Variants in GTF3C1 observed in about 807,000 individuals in gnomAD.
The protein encoded by GTF3C1 is general transcription factor IIIC subunit 1.
A neutral mutation model predicts 226.7 loss-of-function variants in GTF3C1; 57 were observed. That is an observed-to-expected ratio of 0.25 (90% CI 0.20 to 0.31). The LOEUF (loss-of-function observed/expected upper bound fraction) is 0.31, where lower values mean the gene tolerates loss of function less well. GTF3C1 is among the 10% of genes least tolerant of loss of function. GTF3C1 has a pLI of 1.00. For missense variants in GTF3C1, 2,217 were observed against 2,776.1 expected (o/e 0.80, Z 4.53); for synonymous variants, 1,090 against 1,084.8 (o/e 1.00, Z -0.09).
rs371582072 is a variant in GTF3C1, at chr16:27,505,205, A to G, written c.1770+694T>C. Among the ~76,000 whole-genome samples, 26 of 152,346 alleles carry G rather than the reference A, an allele frequency of 1.7e-4. No individual in the cohort carries two copies. In the East Asian group the frequency reaches 4.4e-3, roughly 26 times the overall value. On this transcript the variant is annotated intron_variant, in intron 10 of 36. Transcript: ENST00000356183. ...TTGACGAAAGTACTGGTTTGACTTC[A>G]CTGTGTCTTTAACTCCTTGATATAT...
intron 2 of GTF3C1, among the ~76,000 whole-genome samples, chr16:27,539,001 CA>C (rs1385068375): frequency 1.4e-5 from 2 of 140,276 alleles, no homozygotes; most frequent in Admixed American, 7.2e-5. Context: ...CACACACACT[CA>C]TCTTTTTTTT....
At chr16:27,542,518 G>A (rs943012018) in intron 2 of GTF3C1, among the ~76,000 whole-genome samples, 2 of 151,388 alleles carry the variant, frequency 1.3e-5, no homozygotes, top group African/African-American at 4.9e-5. Context: ...CCAAGATTGC[G>A]CCATTGGACT....
chr16:27,464,582 A>G lies in GTF3C1; in HGVS notation c.5610T>C (p.Asn1870=). ...GGGTGCCCTCGGCGTCGGTCTCCCC[A>G]TTCTCACTGGCCCAGCTGGCGCGCC... ...TKRRASWASE[N]GETDAEGTQM... Residue 1870 remains asparagine (N), a synonymous_variant, in exon 34 of 37, where the codon AAT becomes AAC. Coordinates refer to ENST00000356183, the MANE Select transcript of GTF3C1 (RefSeq NM_001520.4). The G allele has an allele frequency of 1.3e-6, 2 of 1,491,700 alleles. No homozygotes were observed. Among genetic ancestry groups the G allele is most frequent in the Non-Finnish European group, 1.8e-6 (2 of 1,120,036 alleles). The allele number at this position is 1,491,700 out of a possible 1,614,324, so 92.4% of individuals were successfully genotyped here. A position where few individuals can be genotyped will look rare whatever the true frequency, so the allele number is the denominator to read the frequency against.
intron 12 of GTF3C1, among the ~76,000 whole-genome samples, chr16:27,499,572 C>T (rs1220961494): frequency 2.0e-5 from 3 of 152,164 alleles, no homozygotes; most frequent in Non-Finnish European, 4.4e-5. Context: ...CAGGAAGCAA[C>T]GCCTAGACAA....
chr16:27,510,659 T>G (rs141779257), intron 7 of GTF3C1, among the ~76,000 whole-genome samples: 6 of 152,072 alleles, frequency 3.9e-5, no homozygotes, highest in Non-Finnish European at 5.9e-5. Context: ...TCCAGAAAGG[T>G]TGGGCCGACC....
At position 27,488,622 on chromosome 16, in the gene GTF3C1, G is replaced by A. The variant is rs2141374386; in HGVS notation, c.3443C>T (p.Ala1148Val). 1 of 1,612,894 alleles carries A rather than the reference G, an allele frequency of 6.2e-7. No individual in the cohort carries two copies. The highest frequency in any genetic ancestry group is 8.5e-7 in the Non-Finnish European group (1 of 1,179,660). ...INQAKKENTA[A>V]ENGLTVRLQT... ...GAGCCTCACTGTGAGTCCATTCTCTGCGGCAGTGTTCTCCTGTGAGACAAG... is the reference window on the plus strand; with the variant it reads ...GAGCCTCACTGTGAGTCCATTCTCTACGGCAGTGTTCTCCTGTGAGACAAG... The change falls in exon 22 of 37, where the codon GCA becomes GTA. Residue 1148 changes from alanine (A) to valine (V), a missense_variant. Transcript: ENST00000356183.
chr16:27,501,475 C>T lies in GTF3C1; in HGVS notation c.1908-131G>A, dbSNP rs975848128. On this transcript the variant is annotated intron_variant, in intron 11 of 36. Coordinates refer to ENST00000356183, the MANE Select transcript of GTF3C1 (RefSeq NM_001520.4). ...AAGGATCAAACGGGGTTTCCCCACC[C>T]TGGAAAGACTGATTTCTTGAGACGT... 3.7e-4 allele frequency: 288 copies of T among 786,734 alleles called. 4 individuals carry two copies. The highest frequency in any genetic ancestry group is 6.3e-5 in the Non-Finnish European group (30 of 474,100). The allele number at this position is 786,734 out of a possible 1,614,324, so 48.7% of individuals were successfully genotyped here. A position where few individuals can be genotyped will look rare whatever the true frequency, so the allele number is the denominator to read the frequency against.
chr16:27,527,773 G>A (rs987348576), intron 6 of GTF3C1, among the ~76,000 whole-genome samples: 2 of 152,128 alleles, frequency 1.3e-5, no homozygotes, highest in Non-Finnish European at 2.9e-5. Flanking sequence ...GGGCTGAGGC[G>A]GGTGGATCAC....
At chr16:27,517,788 G>A (rs1257826715) in intron 6 of GTF3C1, among the ~76,000 whole-genome samples, 4 of 152,192 alleles carry the variant, frequency 2.6e-5, no homozygotes, top group African/African-American at 4.8e-5. Context: ...TACTCATCAC[G>A]TGGCTTCTGC....
chr16:27,508,979 G>A (rs2088529949), intron 7 of GTF3C1, among the ~76,000 whole-genome samples: 2 of 152,218 alleles, frequency 1.3e-5, no homozygotes, highest in Admixed American at 6.5e-5. Flanking sequence ...CCCAACGGCA[G>A]GAAATTAGCC....
At position 27,484,153 on chromosome 16, in the gene GTF3C1, T is replaced by C. The variant is rs149290592; in HGVS notation, c.4001+58A>G. ...CCAGCCACACTTCCCACCAGACTCT[T>C]AAGCAAACGGGATAACGTAACCGTG... On this transcript the variant is annotated intron_variant, in intron 25 of 36. Transcript: ENST00000356183. 1.6e-4 allele frequency: 219 copies of C among 1,336,988 alleles called. 1 individual carries two copies. In the East Asian group the frequency reaches 5.0e-3, roughly 31 times the overall value. The allele number at this position is 1,336,988 out of a possible 1,614,324, so 82.8% of individuals were successfully genotyped here. A position where few individuals can be genotyped will look rare whatever the true frequency, so the allele number is the denominator to read the frequency against.
intron 25 of GTF3C1, among the ~76,000 whole-genome samples, chr16:27,483,926 C>T (rs769548373): frequency 2.0e-5 from 3 of 152,204 alleles, no homozygotes; most frequent in East Asian, 1.9e-4. Flanking sequence ...TGGTACTTAG[C>T]GAGTCAGCCT....
chr16:27,498,763 G>C (rs780491020), intron 12 of GTF3C1, 30 bp from the exon 13 acceptor site: 3 of 1,077,626 alleles, frequency 2.8e-6, no homozygotes, highest in Admixed American at 1.7e-5. Flanking sequence ...CATCCCACAG[G>C]GTGAGGGAAG....
At chr16:27,509,060 T>C (rs573726144) in intron 7 of GTF3C1, among the ~76,000 whole-genome samples, 32 of 152,362 alleles carry the variant, frequency 2.1e-4, no homozygotes, top group African/African-American at 7.5e-4. Flanking sequence ...TAATTTTTAA[T>C]TCAGAACTTT....
intron 8 of GTF3C1, 26 bp downstream of exon 8, chr16:27,508,514 T>G: frequency 6.6e-7 from 1 of 1,507,232 alleles, no homozygotes; most frequent in Non-Finnish European, 9.2e-7. Context: ...AGACAACGAG[T>G]GTTGGGGGAA....
chr16:27,510,038 T>G (rs2088549738), intron 7 of GTF3C1, among the ~76,000 whole-genome samples: 1 of 151,788 alleles, frequency 6.6e-6, no homozygotes, highest in Non-Finnish European at 1.5e-5. Context: ...CACCTGAGGT[T>G]AGGAGTTCGA....
At chr16:27,483,247 T>C in intron 25 of GTF3C1, 122 bp from the exon 26 acceptor site, 1 of 890,250 alleles carries the variant, frequency 1.1e-6, no homozygotes, top group Non-Finnish European at 1.8e-6. Flanking sequence ...GAGTTACTTA[T>C]ATGCCTGTTG....
intron 26 of GTF3C1, among the ~76,000 whole-genome samples, chr16:27,482,053 C>T (rs2088057635): frequency 6.6e-6 from 1 of 152,174 alleles, no homozygotes; most frequent in Non-Finnish European, 1.5e-5. Context: ...CACTGTTTCC[C>T]AGCCACGTGG....
At chr16:27,532,651 G>A (rs903174461) in intron 5 of GTF3C1, among the ~76,000 whole-genome samples, 10 of 152,066 alleles carry the variant, frequency 6.6e-5, no homozygotes, top group Non-Finnish European at 1.3e-4. Context: ...TCCCCCTCAG[G>A]ACAGCCGCTC....
Sources: gnomAD v4.1 joint callset for allele counts (sites outside exome capture counted in the v4.1 genomes callset) on GRCh38, gnomAD v4.1.1 for gene constraint, MANE v1.5 for transcripts, NCBI Gene and HGNC (gene_info 2026-07-23, HGNC 2026-07-21) for gene names.